Variants in MMP26 observed in about 807,000 individuals in gnomAD.
The protein encoded by MMP26 is matrix metallopeptidase 26.
A neutral mutation model predicts 31.0 loss-of-function variants in MMP26; 33 were observed. The ratio of observed to expected loss-of-function variants is 1.06; its 90% CI spans 0.81 to 1.42. The LOEUF (loss-of-function observed/expected upper bound fraction) is 1.42, where lower values mean the gene tolerates loss of function less well. MMP26 is among the 40% of genes most tolerant of loss of function. MMP26 has a pLI of 0.00. For synonymous variants in MMP26, 122 were observed against 114.9 expected (o/e 1.06, Z -0.40); for missense variants, 347 against 316.1 (o/e 1.10, Z -0.74).
chr11:4,805,135 C>T (rs1849249396), intron 2 of MMP26, among the ~76,000 whole-genome samples: 1 of 152,124 alleles, frequency 6.6e-6, no homozygotes, highest in Non-Finnish European at 1.5e-5. Flanking sequence ...CTCTGGTTAG[C>T]CACTTGGCCA....
chr11:4,922,173 A>T (rs1188607087), intron 2 of MMP26, among the ~76,000 whole-genome samples: 1 of 152,254 alleles, frequency 6.6e-6, no homozygotes, highest in Non-Finnish European at 1.5e-5. Flanking sequence ...AACTTAATTG[A>T]TAATTTTTAG....
intron 2 of MMP26, chr11:4,946,514 A>G (rs763564541): frequency 1.4e-5 from 22 of 1,608,706 alleles, no homozygotes; most frequent in East Asian, 4.5e-5. Context: ...GATAACATCA[A>G]TTCTGTTGTC....
chr11:4,805,430 A>G (rs1849253957), intron 2 of MMP26, among the ~76,000 whole-genome samples: 1 of 152,242 alleles, frequency 6.6e-6, no homozygotes, highest in African/African-American at 2.4e-5. Context: ...TGTAGTGTGA[A>G]AGTAACCATA....
chr11:4,866,126 G>A (rs992522013), intron 2 of MMP26, among the ~76,000 whole-genome samples: 9 of 151,982 alleles, frequency 5.9e-5, no homozygotes, highest in African/African-American at 1.9e-4. Context: ...ACTCATGGGC[G>A]ATTCCTAGGA....
chr11:4,859,187 A>G (rs1850105509), intron 2 of MMP26, among the ~76,000 whole-genome samples: 2 of 152,240 alleles, frequency 1.3e-5, no homozygotes, highest in South Asian at 4.1e-4. Flanking sequence ...CTAAAACACC[A>G]AAAGCAATGG....
chr11:4,743,679 G>T (rs1268313756), intron 1 of MMP26, among the ~76,000 whole-genome samples: 2 of 152,130 alleles, frequency 1.3e-5, no homozygotes, highest in Non-Finnish European at 2.9e-5. Context: ...TTCTTTTTGA[G>T]ACTCAGCACT....
chr11:4,769,691 G>A lies in MMP26; in HGVS notation c.-145+2350G>A, dbSNP rs117594890. 4.2e-4 allele frequency: 672 copies of A among 1,612,952 alleles called. 4 individuals are homozygous for A. In the East Asian group the frequency reaches 0.014, roughly 33 times the overall value. On this transcript the variant is annotated intron_variant, in intron 2 of 7. Transcript: ENST00000380390. ...TAATGTTGTTGACAATGAAGAAACA[G>A]TCAAGCCCAGATCAGTGGCTGATAG...
chr11:4,763,023 A>G (rs1168635998), intron 1 of MMP26, among the ~76,000 whole-genome samples: 2 of 152,214 alleles, frequency 1.3e-5, no homozygotes, highest in Non-Finnish European at 2.9e-5. Flanking sequence ...AGCAAGAGAA[A>G]ATAATTAAGC....
rs148922663 is a variant in MMP26 at position 4,933,515 on chromosome 11, G to A, written c.-144-54553G>A. 6.6e-3 allele frequency among the ~76,000 whole-genome samples: 925 copies of A among 140,188 alleles called. 10 individuals are homozygous for A. The highest frequency in any genetic ancestry group is 0.024 in the African/African-American group (883 of 36,894). 92.0% of individuals were successfully genotyped at this position (140,188 alleles called of 152,430 possible). The stretch of plus-strand genomic sequence containing the variant: ...GATTTTTTTTTTTAACCATTACCCT[G>A]TTATTTTTTTTGTTTTTTTTTTTGT... On this transcript the variant is annotated intron_variant, in intron 2 of 7. Transcript: ENST00000380390.
chr11:4,898,244 G>A (rs2133555798), intron 2 of MMP26, among the ~76,000 whole-genome samples: 1 of 152,060 alleles, frequency 6.6e-6, no homozygotes, highest in Non-Finnish European at 1.5e-5. Flanking sequence ...TAATTCTATT[G>A]TTTTAAGTAT....
chr11:4,882,085 T>G (rs1190211627), intron 2 of MMP26: 10 of 1,613,832 alleles, frequency 6.2e-6, no homozygotes, highest in Middle Eastern at 3.3e-4. Flanking sequence ...AACCCATGTA[T>G]TATTTCCTCT....
chr11:4,959,875 GT>G (rs372994400), intron 2 of MMP26, among the ~76,000 whole-genome samples: 33 of 152,172 alleles, frequency 2.2e-4, no homozygotes, highest in Middle Eastern at 3.4e-3. Context: ...GCCTGTGTGA[GT>G]GTGTATGTGT....
At chr11:4,986,511 ATTTTTTTTTTTTTTTTTTTT>A (rs58016783) in intron 2 of MMP26, among the ~76,000 whole-genome samples, 383 of 31,638 alleles carry the variant, frequency 0.012, 6 homozygotes, top group African/African-American at 0.031. Flanking sequence ...TGCCCAGTCG[ATTTTTTTTTTTTTTTTTTTT>A]TTTTTTTTTT....
At chr11:4,983,486 G>T (rs764044872) in intron 2 of MMP26, among the ~76,000 whole-genome samples, 3 of 152,162 alleles carry the variant, frequency 2.0e-5, no homozygotes, top group Non-Finnish European at 4.4e-5. Flanking sequence ...CGTGCAGTCT[G>T]ATATCTTCAA....
At chr11:4,739,939 A>G (rs10450595) in intron 1 of MMP26, among the ~76,000 whole-genome samples, 9,023 of 152,246 alleles carry the variant, frequency 0.059, 898 homozygotes, top group African/African-American at 0.21. Flanking sequence ...TGTCACAACA[A>G]TAAGCTTGTG....
At chr11:4,932,678 ATTG>A (rs1185322926) in intron 2 of MMP26, among the ~76,000 whole-genome samples, 1 of 152,028 alleles carries the variant, frequency 6.6e-6, no homozygotes, top group Non-Finnish European at 1.5e-5. Flanking sequence ...CAGATATATA[ATTG>A]TTGTTGTTTT....
intron 2 of MMP26, among the ~76,000 whole-genome samples, chr11:4,935,244 T>G (rs1250662939): frequency 2.0e-5 from 3 of 151,006 alleles, no homozygotes; most frequent in Non-Finnish European, 4.5e-5. Flanking sequence ...TATCCTCTTT[T>G]ATTTCATTGA....
chr11:4,778,427 G>A (rs893667860), intron 2 of MMP26, among the ~76,000 whole-genome samples: 2 of 151,898 alleles, frequency 1.3e-5, no homozygotes, highest in African/African-American at 2.4e-5. Context: ...TATCACTTTT[G>A]GTATCTATCA....
intron 2 of MMP26, among the ~76,000 whole-genome samples, chr11:4,953,260 A>G (rs1232498582): frequency 8.0e-6 from 1 of 125,540 alleles, no homozygotes; most frequent in Non-Finnish European, 1.8e-5. Context: ...TTCTACAAAC[A>G]TGGTCTTATT....
Sources: allele counts gnomAD v4.1 joint callset (sites outside exome capture counted in the v4.1 genomes callset), GRCh38; gene constraint gnomAD v4.1.1; transcripts MANE v1.5; gene names NCBI Gene and HGNC (gene_info 2026-07-23, HGNC 2026-07-21).